The following LSS variants were observed in gnomAD, a reference collection of about 807,000 sequenced individuals.
LSS encodes lanosterol synthase, also known as 2,3-epoxysqualene-lanosterol cyclase.
Under a neutral mutation model 110.3 loss-of-function variants are expected in LSS, and 90 were observed. That is an observed-to-expected ratio of 0.82 (90% CI 0.69 to 0.97). The LOEUF (loss-of-function observed/expected upper bound fraction) is 0.97, where lower values mean the gene tolerates loss of function less well. LSS is among the 50% of genes least tolerant of loss of function. The pLI, the probability that LSS is intolerant of heterozygous loss-of-function variation, is 0.00. For missense variants in LSS, 927 were observed against 990.0 expected (o/e 0.94, Z 0.85); for synonymous variants, 433 against 400.0 (o/e 1.08, Z -0.98).
intron 3 of LSS, among the ~76,000 whole-genome samples, chr21:46,226,184 A>G (rs537260315): frequency 2.9e-4 from 44 of 151,988 alleles, no homozygotes; most frequent in African/African-American, 1.0e-3. Context: ...GCCAGCCCAC[A>G]GGAAGGGTCC....
chr21:46,218,984 C>T (rs1002681167), intron 6 of LSS, among the ~76,000 whole-genome samples: 15 of 152,172 alleles, frequency 9.9e-5, no homozygotes, highest in African/African-American at 2.7e-4. Context: ...CTCGGCCTCC[C>T]GAAGTGCTGG....
chr21:46,202,801 C>T (rs1163036557), intron 17 of LSS, among the ~76,000 whole-genome samples: 1 of 152,176 alleles, frequency 6.6e-6, no homozygotes, highest in African/African-American at 2.4e-5. Context: ...TGCTTGAGCC[C>T]GGAAGTTTGA....
chr21:46,201,959 G>A (rs1193873878), intron 17 of LSS, among the ~76,000 whole-genome samples: 8 of 150,356 alleles, frequency 5.3e-5, no homozygotes, highest in South Asian at 2.1e-4. Context: ...CACCACGCCC[G>A]GCTAATTTTT....
chr21:46,208,034 G>A (rs1569026066), intron 14 of LSS, among the ~76,000 whole-genome samples: 1 of 152,212 alleles, frequency 6.6e-6, no homozygotes, highest in Non-Finnish European at 1.5e-5. Context: ...TCTGAGGCAC[G>A]GCTGTGTGTG....
At chr21:46,214,774 C>T (rs1569030753) in intron 9 of LSS, among the ~76,000 whole-genome samples, 1 of 152,190 alleles carries the variant, frequency 6.6e-6, no homozygotes, top group Non-Finnish European at 1.5e-5. Context: ...ACCTGCTACT[C>T]CCACCCACCC....
chr21:46,227,744 G>C, intron 2 of LSS, 54 bp from the exon 3 acceptor site: 1 of 1,599,142 alleles, frequency 6.3e-7, no homozygotes, highest in Non-Finnish European at 8.5e-7. Context: ...CTGTTGCCCG[G>C]CCAGAGGAAC....
chr21:46,193,633 G>A (rs1277684473), intron 20 of LSS: 2 of 445,240 alleles, frequency 4.5e-6, no homozygotes, highest in East Asian at 1.4e-4. Context: ...AGACCTGTGT[G>A]TGCATCTGTC....
chr21:46,209,067 G>T lies in LSS; in HGVS notation c.1266+487C>A, dbSNP rs375282776. ...TGGCTGCAGACTGGGGTGCAGGCAC[G>T]TGTGAGAGACACTGAGGTCAAACTA... On this transcript the variant is annotated intron_variant, in intron 13 of 21. Transcript: ENST00000397728. The surrounding 1 kb of genome is among the most constrained non-coding windows in gnomAD (Gnocchi z 4.4). Among the ~76,000 whole-genome samples the T allele has an allele frequency of 2.0e-5, 3 of 152,188 alleles. No individual in the cohort carries two copies. The highest frequency in any genetic ancestry group is 7.2e-5 in the African/African-American group (3 of 41,448).
intron 6 of LSS, among the ~76,000 whole-genome samples, chr21:46,218,453 GTC>G (rs1285775215): frequency 2.0e-5 from 3 of 151,974 alleles, no homozygotes; most frequent in Admixed American, 6.5e-5. Flanking sequence ...GTGAAACCCT[GTC>G]TCTACTAAAA....
At chr21:46,196,142 TGA>T (rs2079906579) in intron 18 of LSS, 58 bp downstream of exon 18, 1 of 1,516,476 alleles carries the variant, frequency 6.6e-7, no homozygotes, top group South Asian at 1.1e-5. Flanking sequence ...ACGCAGTGTG[TGA>T]GAGCAGAAAC....
Position 46,222,719 on chromosome 21 carries a change from G to A in LSS, c.339C>T (p.His113=), listed in dbSNP as rs373018005. The change falls in exon 4 of 22, where the codon CAC becomes CAT. Residue 113 remains histidine (H), a synonymous_variant. Coordinates refer to ENST00000397728, the MANE Select transcript of LSS (RefSeq NM_002340.6). The part of the protein sequence containing the change: ...FLLPGLLITC[H]VARIPLPAGY... ...CGGCTGGCAGAGGGATGCGTGCCAC[G>A]TGGCAAGTGATCAGGAGGCCTGTGT... 34 of 1,613,588 alleles carry A rather than the reference G, an allele frequency of 2.1e-5. No homozygotes were observed. Among genetic ancestry groups the A allele is most frequent in the East Asian group, 1.1e-4 (5 of 44,898 alleles).
At chr21:46,202,015 C>G (rs1329101126) in intron 17 of LSS, among the ~76,000 whole-genome samples, 1 of 149,888 alleles carries the variant, frequency 6.7e-6, no homozygotes, top group South Asian at 2.1e-4. Context: ...AGGATGGTCT[C>G]GATCTCCTGA....
chr21:46,210,063 CTTTT>C (rs71318051), intron 12 of LSS, among the ~76,000 whole-genome samples: 3 of 107,590 alleles, frequency 2.8e-5, no homozygotes, highest in Non-Finnish European at 5.5e-5. Flanking sequence ...AGTTCCAGTT[CTTTT>C]TTTTTTTTTT....
At chr21:46,203,400 C>T (rs1476763279) in intron 17 of LSS, among the ~76,000 whole-genome samples, 1 of 152,136 alleles carries the variant, frequency 6.6e-6, no homozygotes, top group Non-Finnish European at 1.5e-5. Context: ...CAAAGTGGGC[C>T]AGGCGTGAAA....
intron 14 of LSS, 85 bp downstream of exon 14, chr21:46,208,165 GC>G (rs913160652): frequency 4.9e-5 from 62 of 1,274,366 alleles, no homozygotes; most frequent in Non-Finnish European, 6.1e-5. Flanking sequence ...CCAGGGAGGA[GC>G]CCCCCCTTCA....
intron 17 of LSS, among the ~76,000 whole-genome samples, chr21:46,201,933 G>T (rs2079983026): frequency 6.6e-6 from 1 of 150,488 alleles, no homozygotes; most frequent in Non-Finnish European, 1.5e-5. Context: ...GAGTAGCTGG[G>T]ACTACAAGCG....
intron 9 of LSS, among the ~76,000 whole-genome samples, chr21:46,214,903 G>A (rs1416161370): frequency 6.6e-6 from 1 of 152,122 alleles, no homozygotes; most frequent in African/African-American, 2.4e-5. Context: ...TCTCAGGGAG[G>A]GGCCTCTAGG....
At chr21:46,223,613 G>C (rs1241801840) in intron 3 of LSS, among the ~76,000 whole-genome samples, 1 of 152,206 alleles carries the variant, frequency 6.6e-6, no homozygotes, top group South Asian at 2.1e-4. Context: ...AGATCTTAGA[G>C]ATATATGAAT....
At chr21:46,219,408 C>T (rs150559806) in intron 6 of LSS, 68 bp downstream of exon 6, 160 of 1,176,932 alleles carry the variant, frequency 1.4e-4, no homozygotes, top group African/African-American at 1.9e-4. Flanking sequence ...ACCTGACCCA[C>T]GGTCCCTGTC....
Sources: allele counts gnomAD v4.1 joint callset (sites outside exome capture counted in the v4.1 genomes callset), GRCh38; gene constraint gnomAD v4.1.1; non-coding constraint Gnocchi (gnomAD v3.1); transcripts MANE v1.5; gene names NCBI Gene and HGNC (gene_info 2026-07-23, HGNC 2026-07-21).